The following ADAM12 variants were observed in gnomAD, a reference collection of about 807,000 sequenced individuals.
ADAM12 encodes the protein ADAM metallopeptidase domain 12, also known as disintegrin and metalloproteinase domain-containing protein 12.
In ADAM12, 70 loss-of-function variants were observed where a neutral mutation model predicts 106.4. The observed-to-expected ratio is 0.66, with a 90% CI of 0.54 to 0.80. The LOEUF (loss-of-function observed/expected upper bound fraction) is 0.80. Among genes scored for constraint, ADAM12 ranks in the 30% least tolerant of loss-of-function variants. ADAM12 has a pLI of 0.00. For missense variants in ADAM12, 1,010 were observed against 1,171.9 expected (o/e 0.86, Z 2.02); for synonymous variants, 420 against 433.5 (o/e 0.97, Z 0.39).
At chr10:126,189,917 C>T (rs6597741) in intron 3 of ADAM12, among the ~76,000 whole-genome samples, 42,217 of 152,048 alleles carry the variant, frequency 0.28, 7,816 homozygotes, top group East Asian at 0.52. Context: ...GCTCATTTCA[C>T]TCTGTATCTC....
intron 21 of ADAM12, among the ~76,000 whole-genome samples, chr10:126,023,884 A>G (rs1374350454): frequency 1.3e-5 from 2 of 149,200 alleles, no homozygotes; most frequent in Non-Finnish European, 3.0e-5. Flanking sequence ...TTGAAGAACT[A>G]TAATTTAAAA....
intron 14 of ADAM12, among the ~76,000 whole-genome samples, chr10:126,055,415 C>G (rs114250797): frequency 1.3e-5 from 2 of 152,204 alleles, no homozygotes; most frequent in African/African-American, 4.8e-5. Context: ...TTTAAATGAA[C>G]GATACATTTT....
intron 5 of ADAM12, among the ~76,000 whole-genome samples, chr10:126,130,132 T>C (rs1296393633): frequency 2.6e-5 from 4 of 152,172 alleles, no homozygotes; most frequent in African/African-American, 9.7e-5. Context: ...TTTAACACAA[T>C]TTTTAATCCC....
At chr10:126,222,745 T>C (rs1958118401) in intron 3 of ADAM12, among the ~76,000 whole-genome samples, 1 of 152,146 alleles carries the variant, frequency 6.6e-6, no homozygotes, top group Non-Finnish European at 1.5e-5. Context: ...TAGTTGGTGA[T>C]AGCAGAGGCT....
chr10:126,383,346 A>T (rs965151927), intron 1 of ADAM12, among the ~76,000 whole-genome samples: 2 of 152,180 alleles, frequency 1.3e-5, no homozygotes, highest in African/African-American at 2.4e-5. Context: ...GGGATGAAAA[A>T]TAGATAAGAA....
At chr10:126,178,969 C>G (rs1327206515) in intron 3 of ADAM12, among the ~76,000 whole-genome samples, 1 of 152,032 alleles carries the variant, frequency 6.6e-6, no homozygotes, top group Non-Finnish European at 1.5e-5. Flanking sequence ...ATTGCTTGAA[C>G]CCAGGAGGCG....
intron 1 of ADAM12, among the ~76,000 whole-genome samples, chr10:126,371,723 G>T (rs953331143): frequency 3.9e-5 from 6 of 152,178 alleles, no homozygotes; most frequent in Non-Finnish European, 7.3e-5. Flanking sequence ...TCCTATTTCT[G>T]CAGCAATTCT....
chr10:126,384,832 T>C (rs1856606640), intron 1 of ADAM12, among the ~76,000 whole-genome samples: 2 of 152,336 alleles, frequency 1.3e-5, no homozygotes, highest in South Asian at 4.1e-4. Context: ...CTGGGAGTCC[T>C]ACAATTTAAC....
chr10:126,291,331 C>T (rs548256998), intron 2 of ADAM12, among the ~76,000 whole-genome samples: 1 of 152,200 alleles, frequency 6.6e-6, no homozygotes, highest in South Asian at 2.1e-4. Context: ...GCAGAATATA[C>T]TAAGCCCTTT....
At chr10:126,222,274 A>T (rs184721025) in intron 3 of ADAM12, among the ~76,000 whole-genome samples, 2 of 152,080 alleles carry the variant, frequency 1.3e-5, no homozygotes, top group African/African-American at 4.8e-5. Flanking sequence ...TATAAAAAAA[A>T]AGCACCTCAT....
At chr10:126,184,465 T>A (rs1290561897) in intron 3 of ADAM12, among the ~76,000 whole-genome samples, 1 of 152,230 alleles carries the variant, frequency 6.6e-6, no homozygotes, top group Non-Finnish European at 1.5e-5. Context: ...GCTTAAACCT[T>A]CATTAGTACA....
chr10:126,292,592 T>C (rs4962336), intron 2 of ADAM12, among the ~76,000 whole-genome samples: 42,702 of 152,124 alleles, frequency 0.28, 6,299 homozygotes, highest in Middle Eastern at 0.32. Context: ...TCTTCCTCCA[T>C]CCCATTCAGT....
intron 3 of ADAM12, among the ~76,000 whole-genome samples, chr10:126,232,851 A>G (rs1296537111): frequency 6.6e-6 from 1 of 152,222 alleles, no homozygotes; most frequent in Non-Finnish European, 1.5e-5. Context: ...GATAAGGAAT[A>G]TTAAAAATAT....
At chr10:126,089,011 C>T (rs1955412123) in intron 11 of ADAM12, among the ~76,000 whole-genome samples, 1 of 152,128 alleles carries the variant, frequency 6.6e-6, no homozygotes, top group South Asian at 2.1e-4. Flanking sequence ...CTTATTTTCT[C>T]ATCCCACATT....
At chr10:126,086,680 A>ATATATAT (rs1472519666) in intron 11 of ADAM12, among the ~76,000 whole-genome samples, 2 of 24,270 alleles carry the variant, frequency 8.2e-5, no homozygotes, top group Non-Finnish European at 1.2e-4. Flanking sequence ...AAAAAAAAAA[A>ATATATAT]ATATATATAT....
rs183615250 is a variant in ADAM12, at chr10:126,362,288, G to A, written c.88+25770C>T. ...CATTATCAAAAAGACAAAAGATAAC[G>A]AATGTTAGCGAGGATGTGAAGAAAA... is the stretch of plus-strand genomic sequence containing the variant. On this transcript the variant is annotated intron_variant, in intron 1 of 22. Transcript: ENST00000448723. 2.5e-3 allele frequency among the ~76,000 whole-genome samples: 373 copies of A among 152,196 alleles called. 1 individual carries two copies. Among genetic ancestry groups the A allele is most frequent in the African/African-American group, 8.5e-3 (353 of 41,528 alleles).
intron 1 of ADAM12, among the ~76,000 whole-genome samples, chr10:126,365,729 C>T (rs1855886146): frequency 6.6e-6 from 1 of 152,162 alleles, no homozygotes; most frequent in South Asian, 2.1e-4. Context: ...ATTCAATTAC[C>T]TCCCACCAGA....
intron 1 of ADAM12, among the ~76,000 whole-genome samples, chr10:126,376,686 G>C (rs985894903): frequency 6.6e-6 from 1 of 152,174 alleles, no homozygotes; most frequent in Admixed American, 6.5e-5. Flanking sequence ...ATGTCATGAG[G>C]ATGTCAATTC....
chr10:126,357,784 C>T (rs1358173316), intron 1 of ADAM12, among the ~76,000 whole-genome samples: 1 of 152,116 alleles, frequency 6.6e-6, no homozygotes, highest in Non-Finnish European at 1.5e-5. Context: ...ACTAACTGCC[C>T]CCATGATTCA....
Sources: allele counts gnomAD v4.1 joint callset (sites outside exome capture counted in the v4.1 genomes callset), GRCh38; gene constraint gnomAD v4.1.1; transcripts MANE v1.5; gene names NCBI Gene and HGNC (gene_info 2026-07-23, HGNC 2026-07-21).